KCNQ5: variants seen among roughly 807,000 people sequenced by gnomAD.
KCNQ5 encodes potassium voltage-gated channel subfamily Q member 5, also known as potassium voltage-gated channel subfamily KQT member 5.
Under a neutral mutation model 98.2 loss-of-function variants are expected in KCNQ5, and 30 were observed. The observed-to-expected ratio is 0.31, with a 90% CI of 0.23 to 0.41. The LOEUF is 0.41. Among genes scored for constraint, KCNQ5 ranks in the 10% least tolerant of loss-of-function variants. KCNQ5 has a pLI of 1.00. For missense variants in KCNQ5, 835 were observed against 1,182.5 expected (o/e 0.71, Z 4.31); for synonymous variants, 458 against 449.4 (o/e 1.02, Z -0.24).
At chr6:72,981,904 C>G (rs1022230004) in intron 1 of KCNQ5, among the ~76,000 whole-genome samples, 1 of 152,174 alleles carries the variant, frequency 6.6e-6, no homozygotes, top group Non-Finnish European at 1.5e-5. Context: ...GCCTTCATTT[C>G]GTTATTTACC....
chr6:72,628,088 T>C (rs2098918901), intron 1 of KCNQ5, among the ~76,000 whole-genome samples: 2 of 152,204 alleles, frequency 1.3e-5, no homozygotes, highest in South Asian at 2.1e-4. Flanking sequence ...TTTCTAAATA[T>C]TAAGTGCCTA....
intron 1 of KCNQ5, among the ~76,000 whole-genome samples, chr6:72,763,772 G>C (rs1301555283): frequency 1.3e-5 from 2 of 151,932 alleles, no homozygotes; most frequent in East Asian, 1.9e-4. Flanking sequence ...AAAGAACAAA[G>C]TAATGTTTTC....
chr6:72,758,108 C>G (rs1028514701), intron 1 of KCNQ5, among the ~76,000 whole-genome samples: 3 of 151,872 alleles, frequency 2.0e-5, no homozygotes, highest in Admixed American at 6.6e-5. Flanking sequence ...GGAAGGGGAA[C>G]ACTGAAGATG....
intron 5 of KCNQ5, among the ~76,000 whole-genome samples, chr6:73,095,469 G>A (rs141435217): frequency 2.0e-3 from 308 of 152,242 alleles, no homozygotes; most frequent in African/African-American, 7.1e-3. Context: ...TGGGGAGCTA[G>A]TGTGATTTTT....
rs535281141 is a variant in KCNQ5 at position 72,981,624 on chromosome 6, A to AT, written c.399-22277dup. On this transcript the variant is annotated intron_variant, in intron 1 of 13. Coordinates refer to ENST00000370398, the MANE Select transcript of KCNQ5 (RefSeq NM_019842.4). The stretch of plus-strand genomic sequence containing the variant: ...AAAAAGCCAGCTCCTGGATTCACTG[A>AT]TTTTTTTGAAGGGTTTTTTGTGTCT... Among the ~76,000 whole-genome samples the AT allele has an allele frequency of 1.3e-3, 196 of 152,010 alleles. 5 individuals carry two copies. In the South Asian group the frequency reaches 0.037, roughly 29 times the overall value.
intron 11 of KCNQ5, among the ~76,000 whole-genome samples, chr6:73,189,924 A>G (rs6453651): frequency 0.33 from 50,593 of 151,242 alleles, 10,269 homozygotes; most frequent in African/African-American, 0.58. Context: ...CCCAGCACTT[A>G]GGGAGGCTGA....
rs79385200 is a variant in KCNQ5 at position 72,628,443 on chromosome 6, C to T, written c.398+5856C>T. ...AGGATACTGTAGAGAGTCTAAAATG[C>T]TATCATTAAAGAGAAAGAGTATTTG... On this transcript the variant is annotated intron_variant, in intron 1 of 13. Transcript: ENST00000370398. Among the ~76,000 whole-genome samples, 124 of 152,224 alleles carry T rather than the reference C, an allele frequency of 8.1e-4. 3 individuals are homozygous for T. The East Asian group carries it at 0.021, about 26-fold the overall frequency.
At chr6:72,951,629 C>T (rs1342191456) in intron 1 of KCNQ5, among the ~76,000 whole-genome samples, 2 of 152,036 alleles carry the variant, frequency 1.3e-5, no homozygotes, top group African/African-American at 4.8e-5. Context: ...ATGTCCTCCC[C>T]TAAGATACGT....
chr6:73,011,251 A>G (rs977918459), intron 2 of KCNQ5, among the ~76,000 whole-genome samples: 8 of 152,092 alleles, frequency 5.3e-5, no homozygotes, highest in Non-Finnish European at 8.8e-5. Context: ...GAACTATAAA[A>G]TGATTAAGCT....
chr6:72,864,539 C>T (rs1777900622), intron 1 of KCNQ5, among the ~76,000 whole-genome samples: 1 of 152,116 alleles, frequency 6.6e-6, no homozygotes, highest in African/African-American at 2.4e-5. Flanking sequence ...TGGCAAAACA[C>T]TCTGATATTT....
intron 1 of KCNQ5, among the ~76,000 whole-genome samples, chr6:72,795,204 A>G (rs1225966363): frequency 6.6e-6 from 1 of 152,214 alleles, no homozygotes; most frequent in Non-Finnish European, 1.5e-5. Context: ...CTTGGGTCAC[A>G]TGCCAATGAA....
intron 11 of KCNQ5, among the ~76,000 whole-genome samples, chr6:73,181,096 G>A (rs554964460): frequency 2.0e-5 from 3 of 152,232 alleles, no homozygotes; most frequent in Admixed American, 1.3e-4. Flanking sequence ...TATAGATGTC[G>A]TCTACCCAGA....
At chr6:72,995,722 T>C (rs998600871) in intron 1 of KCNQ5, among the ~76,000 whole-genome samples, 3 of 152,192 alleles carry the variant, frequency 2.0e-5, no homozygotes, top group Non-Finnish European at 4.4e-5. Context: ...TAGTTCATGC[T>C]AGGAATAAAT....
chr6:72,846,077 A>G (rs2150137627), intron 1 of KCNQ5, among the ~76,000 whole-genome samples: 1 of 152,288 alleles, frequency 6.6e-6, no homozygotes, highest in African/African-American at 2.4e-5. Flanking sequence ...CATCAGCAGT[A>G]TGTTAATGGG....
intron 5 of KCNQ5, 121 bp downstream of exon 5, chr6:73,078,008 G>T: frequency 2.5e-6 from 2 of 797,726 alleles, no homozygotes; most frequent in South Asian, 2.6e-5. Context: ...AGAGTTATAT[G>T]GAAAATAAAT....
chr6:72,961,228 A>T (rs993241455), intron 1 of KCNQ5, among the ~76,000 whole-genome samples: 1 of 152,250 alleles, frequency 6.6e-6, no homozygotes, highest in Admixed American at 6.5e-5. Flanking sequence ...ATATAAAAGA[A>T]AAATTAGATA....
intron 1 of KCNQ5, among the ~76,000 whole-genome samples, chr6:72,955,568 G>T (rs893564792): frequency 1.3e-5 from 2 of 152,136 alleles, no homozygotes; most frequent in African/African-American, 4.8e-5. Context: ...TATTCTAGGT[G>T]ATTTAATCCA....
At chr6:72,757,012 A>C (rs887083283) in intron 1 of KCNQ5, among the ~76,000 whole-genome samples, 2 of 152,180 alleles carry the variant, frequency 1.3e-5, no homozygotes, top group Non-Finnish European at 2.9e-5. Context: ...TGCCTTCCAA[A>C]TGAATGAAAT....
intron 1 of KCNQ5, among the ~76,000 whole-genome samples, chr6:72,947,948 A>T (rs1249409560): frequency 1.3e-5 from 2 of 152,132 alleles, no homozygotes; most frequent in East Asian, 1.9e-4. Flanking sequence ...AAATATTTTT[A>T]AAAAACATTT....
Sources: allele counts gnomAD v4.1 joint callset (sites outside exome capture counted in the v4.1 genomes callset), GRCh38; gene constraint gnomAD v4.1.1; transcripts MANE v1.5; gene names NCBI Gene and HGNC (gene_info 2026-07-23, HGNC 2026-07-21).